SENP7: variants seen among roughly 807,000 people sequenced by gnomAD.
The protein encoded by SENP7 is SUMO specific peptidase 7, also known as sentrin-specific protease 7.
In SENP7, 64 loss-of-function variants were observed where a neutral mutation model predicts 141.2. The observed-to-expected ratio is 0.45, with a 90% CI of 0.37 to 0.56. SENP7 has a LOEUF of 0.56. Ranked by LOEUF, SENP7 falls within the 20% of genes least tolerant of loss-of-function variation. The pLI is 0.00. For missense variants in SENP7, 1,025 were observed against 1,212.2 expected, an observed-to-expected ratio of 0.85 and a Z score of 2.29; for synonymous variants, 382 against 426.4, an observed-to-expected ratio of 0.90 and a Z score of 1.28.
At chr3:101,352,762 T>C (rs2059645600) in intron 11 of SENP7, among the ~76,000 whole-genome samples, 1 of 152,024 alleles carries the variant, frequency 6.6e-6, no homozygotes, top group African/African-American at 2.4e-5. Flanking sequence ...TCTTGGTATG[T>C]GAGCTCCATT....
chr3:101,344,711 C>T (rs1252921193), intron 13 of SENP7, among the ~76,000 whole-genome samples: 2 of 152,008 alleles, frequency 1.3e-5, no homozygotes, highest in Admixed American at 6.6e-5. Context: ...TCAACCGAAT[C>T]TTAAAGGAAT....
chr3:101,349,817 A>G (rs1008836171), intron 12 of SENP7, among the ~76,000 whole-genome samples: 8 of 152,198 alleles, frequency 5.3e-5, no homozygotes, highest in Admixed American at 2.0e-4. Context: ...AGCAGATACT[A>G]AAAGTGGGAG....
At chr3:101,410,845 A>AAAAATAAAATAAAATGAAATAAAAT in intron 5 of SENP7, among the ~76,000 whole-genome samples, 1 of 126,196 alleles carries the variant, frequency 7.9e-6, no homozygotes, top group South Asian at 2.7e-4. Context: ...ATTCTGTCTC[A>AAAAATAAAATAAAATGAAATAAAAT]AAAATAAAAT....
chr3:101,447,859 T>G (rs937866985), intron 4 of SENP7, among the ~76,000 whole-genome samples: 1 of 151,802 alleles, frequency 6.6e-6, no homozygotes, highest in Non-Finnish European at 1.5e-5. Context: ...CAATAGCACA[T>G]AGCAGTACCA....
chr3:101,500,970 T>C, intron 2 of SENP7, 100 bp downstream of exon 2: 1 of 820,908 alleles, frequency 1.2e-6, no homozygotes, highest in South Asian at 1.6e-5. Context: ...TAAAGTTTTA[T>C]ACTGTTTTCT....
intron 6 of SENP7, among the ~76,000 whole-genome samples, chr3:101,377,267 A>G (rs941299056): frequency 1.3e-5 from 2 of 152,138 alleles, no homozygotes; most frequent in Non-Finnish European, 2.9e-5. Context: ...CCTGGACGTG[A>G]CAGAAAAGTG....
At chr3:101,340,560 G>C (rs1402529402) in intron 15 of SENP7, 1 of 179,632 alleles carries the variant, frequency 5.6e-6, no homozygotes, top group Admixed American at 6.4e-5. Context: ...ATAAACTGAT[G>C]TAATAAAATA....
intron 4 of SENP7, among the ~76,000 whole-genome samples, chr3:101,424,344 T>C (rs2061885538): frequency 7.5e-6 from 1 of 133,788 alleles, no homozygotes; most frequent in African/African-American, 2.9e-5. Flanking sequence ...GCTTTGCTGA[T>C]GTATATGTGT....
At position 101,325,909 on chromosome 3, in the gene SENP7, T is replaced by TA; in HGVS notation, c.*33dup. On this transcript the variant is annotated 3_prime_UTR_variant, in exon 24 of 24. Transcript: ENST00000394095. ...CTGGTAAGAGGCTTTCCAGTAATCT[T>TA]AGAGAACATCTGTGTCATGTTTGTA... 1 of 1,546,268 alleles carries TA rather than the reference T, an allele frequency of 6.5e-7. No individual in the cohort carries two copies. Among genetic ancestry groups the TA allele is most frequent in the Non-Finnish European group, 8.7e-7 (1 of 1,148,352 alleles).
intron 6 of SENP7, among the ~76,000 whole-genome samples, chr3:101,382,287 C>T (rs1027830496): frequency 1.3e-5 from 2 of 152,128 alleles, no homozygotes; most frequent in Non-Finnish European, 1.5e-5. Context: ...AGCAACCTTC[C>T]AGCTTCAGCT....
At chr3:101,509,149 C>G (rs2065747382) in intron 1 of SENP7, among the ~76,000 whole-genome samples, 1 of 152,050 alleles carries the variant, frequency 6.6e-6, no homozygotes, top group Admixed American at 6.6e-5. Flanking sequence ...CCTCTCCACC[C>G]CTTTCCCACT....
intron 6 of SENP7, among the ~76,000 whole-genome samples, chr3:101,397,947 T>TC (rs1387973606): frequency 6.6e-6 from 1 of 152,186 alleles, no homozygotes; most frequent in Non-Finnish European, 1.5e-5. Context: ...TTATTTCCAG[T>TC]CCACACACAA....
chr3:101,426,134 A>G (rs761794468), intron 4 of SENP7, among the ~76,000 whole-genome samples: 13 of 152,184 alleles, frequency 8.5e-5, no homozygotes, highest in Non-Finnish European at 1.8e-4. Flanking sequence ...AGAGAGGCCA[A>G]CATTCCCCAA....
chr3:101,504,486 T>C (rs1282237979), intron 1 of SENP7, among the ~76,000 whole-genome samples: 1 of 151,870 alleles, frequency 6.6e-6, no homozygotes, highest in Non-Finnish European at 1.5e-5. Flanking sequence ...TATTTTCACC[T>C]CTACACTTAA....
At chr3:101,463,384 T>TAC (rs1559865239) in intron 3 of SENP7, among the ~76,000 whole-genome samples, 8 of 94,794 alleles carry the variant, frequency 8.4e-5, no homozygotes, top group African/African-American at 3.2e-4. Flanking sequence ...TATATATATA[T>TAC]ATATATATAT....
intron 1 of SENP7, among the ~76,000 whole-genome samples, chr3:101,512,611 G>A (rs963184482): frequency 1.3e-5 from 2 of 152,156 alleles, no homozygotes; most frequent in Admixed American, 6.5e-5. Context: ...AGGAGTCTCC[G>A]GTCGCAAGCC....
At chr3:101,426,894 G>A (rs2061979428) in intron 4 of SENP7, among the ~76,000 whole-genome samples, 1 of 152,132 alleles carries the variant, frequency 6.6e-6, no homozygotes, top group Non-Finnish European at 1.5e-5. Context: ...AATGTTACCA[G>A]CCACTACAGA....
intron 8 of SENP7, among the ~76,000 whole-genome samples, chr3:101,367,193 C>T (rs1047537020): frequency 2.0e-5 from 3 of 152,146 alleles, no homozygotes; most frequent in Admixed American, 6.5e-5. Context: ...AAATCAACCA[C>T]TGCCTTCAAT....
chr3:101,462,406 TG>T (rs2063576219), intron 3 of SENP7, among the ~76,000 whole-genome samples: 1 of 151,834 alleles, frequency 6.6e-6, no homozygotes, highest in African/African-American at 2.4e-5. Context: ...CCAGGCGTGG[TG>T]GCACATGCCT....
Sources: allele counts gnomAD v4.1 joint callset (sites outside exome capture counted in the v4.1 genomes callset), GRCh38; gene constraint gnomAD v4.1.1; transcripts MANE v1.5; gene names NCBI Gene and HGNC (gene_info 2026-07-23, HGNC 2026-07-21).